MECOM: variants seen among roughly 807,000 people sequenced by gnomAD.
MECOM encodes the protein histone-lysine N-methyltransferase MECOM.
Under a neutral mutation model 116.3 loss-of-function variants are expected in MECOM, and 13 were observed. The ratio of observed to expected loss-of-function variants is 0.11; its 90% confidence interval spans 0.07 to 0.18. The LOEUF is 0.18. MECOM is among the 10% of genes least tolerant of loss of function. The probability of loss-of-function intolerance (pLI) is 1.00; values close to 1 mark genes in which losing one functional copy is unlikely to be tolerated. For missense variants in MECOM, 1,299 were observed against 1,509.0 expected, an observed-to-expected ratio of 0.86 and a Z score of 2.31; for synonymous variants, 528 against 535.2, an observed-to-expected ratio of 0.99 and a Z score of 0.19.
chr3:169,261,508 G>T lies in MECOM; in HGVS notation c.376-117676C>A, dbSNP rs190322379. 2.4e-3 allele frequency among the ~76,000 whole-genome samples: 365 copies of T among 152,246 alleles called. 3 individuals are homozygous for T. Among genetic ancestry groups the T allele is most frequent in the African/African-American group, 8.4e-3 (350 of 41,532 alleles). On this transcript the variant is annotated intron_variant, in intron 2 of 16. Transcript: ENST00000651503. ...GAGGTCAGGAGTTCAAGACCAGCCT[G>T]GCCAACATGGTGAAACCCCGTCTCT...
intron 1 of MECOM, among the ~76,000 whole-genome samples, chr3:169,499,422 G>T (rs894288717): frequency 6.7e-6 from 1 of 148,218 alleles, no homozygotes; most frequent in African/African-American, 2.5e-5. Flanking sequence ...AACCAGAGCT[G>T]CTAAAAAACA....
At chr3:169,482,179 C>T (rs1751391458) in intron 1 of MECOM, among the ~76,000 whole-genome samples, 1 of 152,022 alleles carries the variant, frequency 6.6e-6, no homozygotes, top group South Asian at 2.1e-4. Context: ...AAAAAGGGGT[C>T]TAAATCTCAC....
chr3:169,422,075 G>A (rs1301184946), intron 1 of MECOM, among the ~76,000 whole-genome samples: 4 of 151,602 alleles, frequency 2.6e-5, no homozygotes, highest in African/African-American at 7.3e-5. Flanking sequence ...TCTTTTTATT[G>A]GTTTCTTTTT....
intron 1 of MECOM, among the ~76,000 whole-genome samples, chr3:169,513,884 C>T (rs927123489): frequency 2.0e-5 from 3 of 152,194 alleles, no homozygotes; most frequent in African/African-American, 7.2e-5. Flanking sequence ...TGAAAAATAA[C>T]TGCCTGCTCT....
intron 1 of MECOM, among the ~76,000 whole-genome samples, chr3:169,442,249 C>T (rs540217658): frequency 7.2e-5 from 11 of 152,130 alleles, no homozygotes; most frequent in Middle Eastern, 3.4e-3. Flanking sequence ...TTAGTAGAGA[C>T]GGGGTTTCAC....
At chr3:169,437,927 A>T (rs926982954) in intron 1 of MECOM, among the ~76,000 whole-genome samples, 7 of 152,208 alleles carry the variant, frequency 4.6e-5, no homozygotes, top group Non-Finnish European at 7.4e-5. Flanking sequence ...GTATCAAGGG[A>T]TGTTTTATTA....
chr3:169,643,749 CT>C (rs1342594434), intron 1 of MECOM, among the ~76,000 whole-genome samples: 1 of 152,194 alleles, frequency 6.6e-6, no homozygotes, highest in Non-Finnish European at 1.5e-5. Flanking sequence ...TTGGGTCTAA[CT>C]TTTAGAATAC....
Position 169,095,157 on chromosome 3 carries a change from A to T in MECOM, c.2938T>A (p.Cys980Ser), listed in dbSNP as rs1175796605. The part of the protein sequence containing the change: ...NIHNKEKPFK[C>S]HLCDRCFGQQ... ...CCAAAACACCTATCACATAAGTGAC[A>T]CTTAAATGGCTTCTCTTTATTGTGG... The change falls in exon 13 of 17, where the codon TGT (cysteine) becomes AGT (serine). Residue 980 changes from cysteine (C) to serine (S), a missense_variant. Physicochemically the swap from Cys to Ser is moderately radical, Grantham distance 112 (BLOSUM62 -1). Coordinates refer to ENST00000651503, the MANE Select transcript of MECOM (RefSeq NM_004991.4). The T allele has an allele frequency of 6.2e-7, 1 of 1,613,740 alleles. No individual in the cohort carries two copies. Among genetic ancestry groups the T allele is most frequent in the Admixed American group, 1.7e-5 (1 of 60,008 alleles).
At chr3:169,208,478 A>G (rs1301477921) in intron 2 of MECOM, among the ~76,000 whole-genome samples, 1 of 151,952 alleles carries the variant, frequency 6.6e-6, no homozygotes, top group Non-Finnish European at 1.5e-5. Flanking sequence ...AGTAAAGGAA[A>G]GACACAGTGG....
At chr3:169,297,005 C>A (rs1016950072) in intron 2 of MECOM, among the ~76,000 whole-genome samples, 1 of 152,172 alleles carries the variant, frequency 6.6e-6, no homozygotes, top group Non-Finnish European at 1.5e-5. Flanking sequence ...AACATCTGTA[C>A]AAAACCAAAC....
At chr3:169,486,896 G>T (rs1752447918) in intron 1 of MECOM, among the ~76,000 whole-genome samples, 1 of 151,970 alleles carries the variant, frequency 6.6e-6, no homozygotes. Context: ...GGAACTTCAG[G>T]TTTAGACATA....
chr3:169,643,089 G>A (rs1457827071), intron 1 of MECOM, among the ~76,000 whole-genome samples: 1 of 152,152 alleles, frequency 6.6e-6, no homozygotes, highest in Non-Finnish European at 1.5e-5. Flanking sequence ...ATTAAATTTA[G>A]CCTTTCTTCT....
rs200511663 is a variant in MECOM, at chr3:169,501,482, G to GA, written c.38-119959dup. ...CAATTAAAAACAAACAAGAAAACCA[G>GA]AAAAACCTCTTATTGGAGGCCACGT... is the stretch of plus-strand genomic sequence containing the variant. On this transcript the variant is annotated intron_variant, in intron 1 of 16. Coordinates refer to ENST00000651503, the MANE Select transcript of MECOM (RefSeq NM_004991.4). 8.1e-3 allele frequency among the ~76,000 whole-genome samples: 1,227 copies of GA among 151,912 alleles called. 14 individuals are homozygous for GA. Among genetic ancestry groups the GA allele is most frequent in the African/African-American group, 0.028 (1,178 of 41,472 alleles).
At chr3:169,110,524 T>C (rs1428548187) in intron 9 of MECOM, among the ~76,000 whole-genome samples, 1 of 152,126 alleles carries the variant, frequency 6.6e-6, no homozygotes, top group Non-Finnish European at 1.5e-5. Flanking sequence ...CCATGATATT[T>C]ATAAAAACAA....
chr3:169,347,996 T>A (rs947106320), intron 2 of MECOM, among the ~76,000 whole-genome samples: 24 of 151,986 alleles, frequency 1.6e-4, no homozygotes, highest in African/African-American at 5.6e-4. Context: ...ACAAGACCAT[T>A]CTAACAAAGT....
At chr3:169,603,103 A>G (rs141742621) in intron 1 of MECOM, among the ~76,000 whole-genome samples, 10 of 152,334 alleles carry the variant, frequency 6.6e-5, no homozygotes, top group Non-Finnish European at 1.3e-4. Context: ...TCACATCATG[A>G]GGTTTTGGTC....
chr3:169,413,328 C>T (rs58257080), intron 1 of MECOM, among the ~76,000 whole-genome samples: 18,067 of 152,184 alleles, frequency 0.12, 1,397 homozygotes, highest in East Asian at 0.35. Context: ...CTGGCCAAGA[C>T]ACTATGCTTT....
intron 3 of MECOM, chr3:169,133,578 T>G (rs770899376): frequency 5.8e-6 from 1 of 172,742 alleles, no homozygotes; most frequent in African/African-American, 2.4e-5. Context: ...TAATATGTTA[T>G]AATATAACCT....
At chr3:169,180,794 G>GAT (rs10576266) in intron 2 of MECOM, among the ~76,000 whole-genome samples, 12,219 of 108,592 alleles carry the variant, frequency 0.11, 1,807 homozygotes, top group South Asian at 0.25. Context: ...GTGTGGAGAT[G>GAT]ATATATATAT....
Sources: gnomAD v4.1 joint callset for allele counts (sites outside exome capture counted in the v4.1 genomes callset) on GRCh38, gnomAD v4.1.1 for gene constraint, MANE v1.5 for transcripts, NCBI Gene and HGNC (gene_info 2026-07-23, HGNC 2026-07-21) for gene names.